DPPA2: variants seen among roughly 807,000 people sequenced by gnomAD.
The protein encoded by DPPA2 is developmental pluripotency associated 2, also known as developmental pluripotency-associated protein 2.
In DPPA2, 26 loss-of-function variants were observed where a neutral mutation model predicts 36.2. The ratio of observed to expected loss-of-function variants is 0.72; its 90% CI spans 0.53 to 1.00. DPPA2 has a LOEUF of 1.00. DPPA2 is among the 50% of genes least tolerant of loss of function. The probability of loss-of-function intolerance (pLI) is 0.00; values close to 1 mark genes in which losing one functional copy is unlikely to be tolerated. For synonymous variants in DPPA2, 113 were observed against 123.2 expected, an observed-to-expected ratio of 0.92 and a Z score of 0.55; for missense variants, 361 against 365.1, an observed-to-expected ratio of 0.99 and a Z score of 0.09.
chr3:109,304,773 A>G, intron 6 of DPPA2, 103 bp from the exon 7 acceptor site: 2 of 1,158,130 alleles, frequency 1.7e-6, no homozygotes, highest in South Asian at 3.3e-5. Context: ...CTGCTCACAA[A>G]TCAATTGAAT....
chr3:109,312,086 T>C (rs907106973), intron 3 of DPPA2, among the ~76,000 whole-genome samples: 1 of 152,138 alleles, frequency 6.6e-6, no homozygotes, highest in African/African-American at 2.4e-5. Context: ...CTAATGCCTG[T>C]ACTTTGGGAG....
At chr3:109,297,530 CAA>C (rs76719839) in intron 8 of DPPA2, among the ~76,000 whole-genome samples, 8 of 118,472 alleles carry the variant, frequency 6.8e-5, no homozygotes, top group Non-Finnish European at 1.1e-4. Flanking sequence ...GAGTCTGTCT[CAA>C]AAAAAAAAAA....
chr3:109,312,457 G>A (rs1707727310), intron 3 of DPPA2, 88 bp downstream of exon 3: 4 of 1,483,212 alleles, frequency 2.7e-6, no homozygotes, highest in Non-Finnish European at 3.6e-6. Flanking sequence ...GTGTTGTATA[G>A]TCAGAGGATA....
At chr3:109,311,503 G>A (rs373837531) in intron 3 of DPPA2, among the ~76,000 whole-genome samples, 2 of 152,290 alleles carry the variant, frequency 1.3e-5, no homozygotes, top group African/African-American at 2.4e-5. Context: ...ACTTTGGGAG[G>A]CCAAGGTGGG....
At chr3:109,314,425 G>T in intron 2 of DPPA2, 85 bp downstream of exon 2, 2 of 1,364,936 alleles carry the variant, frequency 1.5e-6, no homozygotes, top group Non-Finnish European at 1.0e-6. Flanking sequence ...ATGAAGATTT[G>T]TGGTAAAAGA....
At chr3:109,299,932 A>G (rs1460283811) in intron 8 of DPPA2, among the ~76,000 whole-genome samples, 12 of 152,018 alleles carry the variant, frequency 7.9e-5, no homozygotes, top group African/African-American at 2.7e-4. Context: ...TGCCTCATCA[A>G]TTGTAAAAAA....
intron 8 of DPPA2, among the ~76,000 whole-genome samples, chr3:109,296,974 C>T (rs754039635): frequency 1.3e-4 from 19 of 151,968 alleles, no homozygotes; most frequent in Non-Finnish European, 2.8e-4. Flanking sequence ...CCTGTAGTCC[C>T]AGTAGGATAC....
rs1326452573 is a variant in DPPA2 at position 109,309,063 on chromosome 3, A to C, written c.359T>G (p.Leu120Arg). ...AGGGTAAGCATGCCTATGAAGCCTC[A>C]GATAAACTTCGATTTTCTTAGGAAA... ...STNGKKIEVY[L>R]RLHRHAYPEQ... Residue 120 changes from leucine (L) to arginine (R), a missense_variant, in exon 5 of 9, where the codon CTG becomes CGG. By Grantham distance (102) the Leu-to-Arg change is moderately radical. Transcript: ENST00000478945. The C allele has an allele frequency of 6.2e-7, 1 of 1,614,086 alleles. No homozygotes were observed. The highest frequency in any genetic ancestry group is 1.7e-5 in the Admixed American group (1 of 59,998).
chr3:109,297,986 C>T (rs1370018176), intron 8 of DPPA2, among the ~76,000 whole-genome samples: 1 of 152,102 alleles, frequency 6.6e-6, no homozygotes, highest in African/African-American at 2.4e-5. Context: ...TGGCACACAC[C>T]TGTAGTCCCA....
chr3:109,315,599 T>C (rs889513723), intron 1 of DPPA2, among the ~76,000 whole-genome samples: 3 of 152,202 alleles, frequency 2.0e-5, no homozygotes, highest in Non-Finnish European at 4.4e-5. Context: ...ACCAATAATA[T>C]GGCAGCACTG....
rs150432794 is a variant in DPPA2, at chr3:109,315,616, C to G, written c.-14+668G>C. Among the ~76,000 whole-genome samples, 350 of 152,268 alleles carry G rather than the reference C, an allele frequency of 2.3e-3. 6 individuals are homozygous for G. Among genetic ancestry groups the G allele is most frequent in the African/African-American group, 7.7e-3 (318 of 41,548 alleles). On this transcript the variant is annotated intron_variant, in intron 1 of 8. Coordinates refer to ENST00000478945, the MANE Select transcript of DPPA2 (RefSeq NM_138815.4). The stretch of plus-strand genomic sequence containing the variant: ...CAATAATATGGCAGCACTGGACAAC[C>G]AAGTACCTTTACAATGGGCTTTTTC...
chr3:109,314,380 G>T, intron 2 of DPPA2, 130 bp downstream of exon 2: 1 of 898,844 alleles, frequency 1.1e-6, no homozygotes. Context: ...GCAAAGAAGA[G>T]GAGGTTTCAA....
At chr3:109,298,117 A>G (rs529448485) in intron 8 of DPPA2, among the ~76,000 whole-genome samples, 127 of 152,210 alleles carry the variant, frequency 8.3e-4, no homozygotes, top group Middle Eastern at 3.4e-3. Context: ...TATGGTTTCC[A>G]GTGTATGGGC....
intron 6 of DPPA2, among the ~76,000 whole-genome samples, chr3:109,307,129 C>T (rs916426425): frequency 3.3e-5 from 5 of 151,690 alleles, no homozygotes; most frequent in Non-Finnish European, 7.4e-5. Flanking sequence ...CCACCATGCC[C>T]GGCTTTTTTT....
intron 3 of DPPA2, 74 bp downstream of exon 3, chr3:109,312,471 A>G: frequency 6.6e-7 from 1 of 1,525,430 alleles, no homozygotes; most frequent in East Asian, 2.3e-5. Flanking sequence ...GAGGATAGGA[A>G]AGACAAATCT....
chr3:109,307,389 G>C (rs1227976659), intron 6 of DPPA2, among the ~76,000 whole-genome samples: 1 of 151,980 alleles, frequency 6.6e-6, no homozygotes, highest in African/African-American at 2.4e-5. Context: ...ATGGTCTGAG[G>C]TCAGGGGTTC....
chr3:109,307,047 C>A (rs954433802), intron 6 of DPPA2, among the ~76,000 whole-genome samples: 4 of 151,680 alleles, frequency 2.6e-5, no homozygotes, highest in Non-Finnish European at 5.9e-5. Flanking sequence ...CAGCTCACTG[C>A]AACCTCTACC....
intron 3 of DPPA2, among the ~76,000 whole-genome samples, chr3:109,311,549 G>T (rs1374746919): frequency 6.6e-6 from 1 of 152,066 alleles, no homozygotes; most frequent in Non-Finnish European, 1.5e-5. Flanking sequence ...AGACCAGCCT[G>T]GACAACGTGG....
Position 109,309,160 on chromosome 3 carries a change from G to A in DPPA2, c.342+10C>T. ...TTCCCAGCAGCAGATATTCACCCAA[G>A]TGTACTAACCTTGCCATTAGTACTC... On this transcript the variant is annotated intron_variant, in intron 4 of 8. Coordinates refer to ENST00000478945, the MANE Select transcript of DPPA2 (RefSeq NM_138815.4). 1.2e-6 allele frequency: 2 copies of A among 1,614,136 alleles called. No homozygotes were observed. Among genetic ancestry groups the A allele is most frequent in the South Asian group, 1.1e-5 (1 of 91,082 alleles).
Sources: allele counts gnomAD v4.1 joint callset (sites outside exome capture counted in the v4.1 genomes callset), GRCh38; gene constraint gnomAD v4.1.1; transcripts MANE v1.5; gene names NCBI Gene and HGNC (gene_info 2026-07-23, HGNC 2026-07-21).